The following FGF14 variants were observed in gnomAD, a reference collection of about 807,000 sequenced individuals.
The protein encoded by FGF14 is fibroblast growth factor 14, also known as fibroblast growth factor homologous factor 4.
FGF14 carries 5 observed loss-of-function variants against 25.5 expected under a neutral mutation model. The observed-to-expected ratio is 0.20, with a 90% CI of 0.10 to 0.41. The LOEUF (loss-of-function observed/expected upper bound fraction) is 0.41, where lower values mean the gene tolerates loss of function less well. Ranked by LOEUF, FGF14 falls within the 10% of genes least tolerant of loss-of-function variation. The pLI, the probability that FGF14 is intolerant of heterozygous loss-of-function variation, is 1.00. For synonymous variants in FGF14, 138 were observed against 118.3 expected (o/e 1.17, Z -1.08); for missense variants, 222 against 320.1 (o/e 0.69, Z 2.34).
intron 1 of FGF14, among the ~76,000 whole-genome samples, chr13:102,398,372 C>G (rs780529124): frequency 3.3e-5 from 5 of 152,146 alleles, no homozygotes; most frequent in Non-Finnish European, 7.4e-5. Flanking sequence ...TCCACGAATG[C>G]TTGAACCACC....
intron 1 of FGF14, among the ~76,000 whole-genome samples, chr13:102,122,619 C>T (rs1385207966): frequency 6.6e-6 from 1 of 152,094 alleles, no homozygotes; most frequent in Non-Finnish European, 1.5e-5. Context: ...AATCAAAATG[C>T]AACTTTTTAT....
intron 1 of FGF14, among the ~76,000 whole-genome samples, chr13:101,997,851 T>C (rs1471506102): frequency 7.4e-6 from 1 of 135,986 alleles, no homozygotes; most frequent in Non-Finnish European, 1.7e-5. Flanking sequence ...AAGTTTTCTT[T>C]CTTATCTTTA....
chr13:101,968,944 GTTT>G (rs955787711), intron 1 of FGF14, among the ~76,000 whole-genome samples: 25 of 151,500 alleles, frequency 1.7e-4, no homozygotes, highest in African/African-American at 5.8e-4. Flanking sequence ...AGGAAGATGG[GTTT>G]TTATCACCAG....
intron 1 of FGF14, among the ~76,000 whole-genome samples, chr13:102,131,266 T>C (rs1429581506): frequency 2.0e-5 from 3 of 152,224 alleles, no homozygotes; most frequent in African/African-American, 7.2e-5. Flanking sequence ...GTGCCAATAA[T>C]GAAATCCATC....
chr13:102,069,036 C>G (rs1001119141), intron 1 of FGF14, among the ~76,000 whole-genome samples: 2 of 151,866 alleles, frequency 1.3e-5, no homozygotes, highest in African/African-American at 4.8e-5. Context: ...GTGCACCAAT[C>G]GACACTCTGT....
At chr13:101,935,732 C>T (rs1377231865) in intron 1 of FGF14, among the ~76,000 whole-genome samples, 6 of 152,090 alleles carry the variant, frequency 3.9e-5, no homozygotes, top group Non-Finnish European at 5.9e-5. Flanking sequence ...AGCATGAGAA[C>T]GGACTAATAT....
chr13:101,967,157 T>C (rs2037261871), intron 1 of FGF14, among the ~76,000 whole-genome samples: 1 of 152,180 alleles, frequency 6.6e-6, no homozygotes, highest in East Asian at 1.9e-4. Flanking sequence ...TCTCAGTCAC[T>C]TAGAATGAAC....
At chr13:102,147,434 G>A (rs1233295345) in intron 1 of FGF14, among the ~76,000 whole-genome samples, 2 of 152,202 alleles carry the variant, frequency 1.3e-5, no homozygotes, top group Admixed American at 6.5e-5. Flanking sequence ...GACACTGGTG[G>A]AGAATGCAAT....
At chr13:102,293,676 T>G (rs2054546696) in intron 1 of FGF14, 2 of 152,220 alleles carry the variant, frequency 1.3e-5, no homozygotes, top group South Asian at 4.1e-4. Flanking sequence ...TTTCACTCTA[T>G]CTTCACAAAC....
intron 1 of FGF14, among the ~76,000 whole-genome samples, chr13:102,369,123 T>C (rs996512956): frequency 6.6e-6 from 1 of 152,190 alleles, no homozygotes; most frequent in African/African-American, 2.4e-5. Flanking sequence ...CCCATTTACA[T>C]GCCCAAGTCA....
intron 1 of FGF14, among the ~76,000 whole-genome samples, chr13:102,025,964 T>C (rs910413468): frequency 3.3e-5 from 5 of 152,002 alleles, no homozygotes; most frequent in Non-Finnish European, 7.4e-5. Context: ...ATAGAGTTAA[T>C]TTTACTTCTT....
chr13:101,763,401 T>C (rs936538685), intron 3 of FGF14, among the ~76,000 whole-genome samples: 1 of 152,192 alleles, frequency 6.6e-6, no homozygotes, highest in Admixed American at 6.5e-5. Context: ...TGAACAGTAT[T>C]TTAAGGACCT....
chr13:102,164,322 C>T (rs556922079), intron 1 of FGF14, among the ~76,000 whole-genome samples: 1 of 152,280 alleles, frequency 6.6e-6, no homozygotes, highest in East Asian at 1.9e-4. Flanking sequence ...TGCTGACAAT[C>T]AATGAATACA....
intron 1 of FGF14, among the ~76,000 whole-genome samples, chr13:102,114,416 G>A (rs528103129): frequency 9.2e-5 from 14 of 152,152 alleles, no homozygotes; most frequent in Non-Finnish European, 1.9e-4. Flanking sequence ...TGAGTTTGAT[G>A]TAGTCCCACG....
At chr13:102,256,612 C>G (rs780822830) in intron 1 of FGF14, among the ~76,000 whole-genome samples, 6 of 152,196 alleles carry the variant, frequency 3.9e-5, no homozygotes, top group Non-Finnish European at 7.3e-5. Flanking sequence ...CTGAATCAGA[C>G]GCTCTAAAGA....
chr13:102,191,031 G>T (rs1354938143), intron 1 of FGF14, among the ~76,000 whole-genome samples: 2 of 152,110 alleles, frequency 1.3e-5, no homozygotes, highest in East Asian at 3.9e-4. Flanking sequence ...CAGTTTTGAA[G>T]CTCCTCAAAA....
chr13:101,725,195 T>A (rs1271937042), intron 4 of FGF14, among the ~76,000 whole-genome samples: 3 of 152,106 alleles, frequency 2.0e-5, no homozygotes, highest in Non-Finnish European at 4.4e-5. Flanking sequence ...GCTTATTTTT[T>A]AATTTTTTAT....
chr13:101,882,358 T>C (rs2045753019), intron 1 of FGF14, among the ~76,000 whole-genome samples: 1 of 151,598 alleles, frequency 6.6e-6, no homozygotes, highest in Non-Finnish European at 1.5e-5. Flanking sequence ...CAAAGACATC[T>C]GTCGAAAAAA....
intron 3 of FGF14, among the ~76,000 whole-genome samples, chr13:101,742,434 C>G (rs1047585333): frequency 1.3e-5 from 2 of 152,092 alleles, no homozygotes; most frequent in East Asian, 3.9e-4. Context: ...AAGCATAGTG[C>G]AGACATTAAG....
Sources: allele counts gnomAD v4.1 joint callset (sites outside exome capture counted in the v4.1 genomes callset), GRCh38; gene constraint gnomAD v4.1.1; transcripts MANE v1.5; gene names NCBI Gene and HGNC (gene_info 2026-07-23, HGNC 2026-07-21).